Variants in USH2A observed in about 807,000 individuals in gnomAD.
USH2A encodes usherin.
USH2A carries 443 observed loss-of-function variants against 538.9 expected under a neutral mutation model. That is an observed-to-expected ratio of 0.82 (90% CI 0.76 to 0.89). The LOEUF (loss-of-function observed/expected upper bound fraction) is 0.89. Ranked by LOEUF, USH2A falls within the 40% of genes least tolerant of loss-of-function variation. USH2A has a pLI of 0.00. For missense variants in USH2A, 6,633 were observed against 6,324.8 expected (o/e 1.05, Z -1.65); for synonymous variants, 2,413 against 2,273.5 (o/e 1.06, Z -1.75).
At chr1:216,338,958 T>A (rs1278601798) in intron 4 of USH2A, among the ~76,000 whole-genome samples, 1 of 151,640 alleles carries the variant, frequency 6.6e-6, no homozygotes, top group Non-Finnish European at 1.5e-5. Context: ...GATAACAGTT[T>A]GGCGATATAT....
chr1:216,330,883 C>T (rs1315758086), intron 4 of USH2A, among the ~76,000 whole-genome samples: 1 of 151,962 alleles, frequency 6.6e-6, no homozygotes. Context: ...GGAGGTGTAC[C>T]TTTCAATGCT....
intron 32 of USH2A, among the ~76,000 whole-genome samples, chr1:216,037,428 C>A (rs567582488): frequency 6.6e-6 from 1 of 152,134 alleles, no homozygotes; most frequent in African/African-American, 2.4e-5. Flanking sequence ...TTGCCATGAC[C>A]TTTGCTCTTG....
chr1:215,980,176 C>T (rs1667717263), intron 35 of USH2A, among the ~76,000 whole-genome samples: 1 of 152,064 alleles, frequency 6.6e-6, no homozygotes, highest in Non-Finnish European at 1.5e-5. Flanking sequence ...TATGCTAAAG[C>T]AATAATCACT....
chr1:215,805,052 T>C (rs1381934341), intron 49 of USH2A, among the ~76,000 whole-genome samples: 3 of 151,678 alleles, frequency 2.0e-5, no homozygotes, highest in African/African-American at 7.3e-5. Context: ...CCAAACACCG[T>C]ATGTTGTCAC....
intron 30 of USH2A, among the ~76,000 whole-genome samples, chr1:216,049,412 A>G (rs1277936747): frequency 1.3e-5 from 2 of 152,228 alleles, no homozygotes; most frequent in South Asian, 2.1e-4. Context: ...TAGTGTTCAT[A>G]AGCAAGGCAG....
intron 21 of USH2A, among the ~76,000 whole-genome samples, chr1:216,098,710 C>T (rs2032505717): frequency 6.6e-6 from 1 of 151,916 alleles, no homozygotes; most frequent in Non-Finnish European, 1.5e-5. Flanking sequence ...ACTAATAAGC[C>T]CATAACTGAC....
intron 15 of USH2A, among the ~76,000 whole-genome samples, chr1:216,213,990 CACA>C (rs2035295949): frequency 6.6e-6 from 1 of 151,918 alleles, no homozygotes; most frequent in South Asian, 2.1e-4. Context: ...AAACTAAAAT[CACA>C]ACAAGATACT....
chr1:216,337,187 C>T lies in USH2A; in HGVS notation c.785-9533G>A, dbSNP rs1382160523. ...ATCTTAATATTAATGATGACAATGA[C>T]AGCTAATAACTATTGCATACTGAGT... On this transcript the variant is annotated intron_variant, in intron 4 of 71. Transcript: ENST00000307340. 2.0e-5 allele frequency among the ~76,000 whole-genome samples: 3 copies of T among 151,410 alleles called. No individual in the cohort carries two copies. In the East Asian group the frequency reaches 5.8e-4, roughly 29 times the overall value.
chr1:216,046,602 A>G lies in USH2A; in HGVS notation c.6164-10T>C, dbSNP rs754554449. 1 of 1,613,556 alleles carries G rather than the reference A, an allele frequency of 6.2e-7. No individual in the cohort carries two copies. Reference sequence around the variant, plus strand: ...TGAACCTCTTGTGGGGCTGTGGAAGAAAAGATTTATAGAGTCTAATTTTAG... The same window carrying G: ...TGAACCTCTTGTGGGGCTGTGGAAGGAAAGATTTATAGAGTCTAATTTTAG... On this transcript the variant is annotated splice_polypyrimidine_tract_variant and intron_variant, in intron 31 of 71. Coordinates refer to ENST00000307340, the MANE Select transcript of USH2A (RefSeq NM_206933.4).
At chr1:216,306,857 A>G (rs1173667602) in intron 9 of USH2A, among the ~76,000 whole-genome samples, 2 of 152,202 alleles carry the variant, frequency 1.3e-5, no homozygotes. Context: ...GTGGGGAGTA[A>G]CTGCAAACAG....
At chr1:215,880,962 T>A (rs7513600) in intron 41 of USH2A, among the ~76,000 whole-genome samples, 4 of 151,846 alleles carry the variant, frequency 2.6e-5, no homozygotes, top group Admixed American at 6.6e-5. Flanking sequence ...AAAAATCACC[T>A]GGGTGTGGTA....
chr1:216,080,489 G>A (rs1040792702), intron 26 of USH2A, among the ~76,000 whole-genome samples: 4 of 151,994 alleles, frequency 2.6e-5, no homozygotes, highest in Non-Finnish European at 1.5e-5. Context: ...AGGTGTGGTA[G>A]GGGCAGGAAC....
At position 216,251,195 on chromosome 1, in the gene USH2A, T is replaced by C. The variant is rs967767883; in HGVS notation, c.1972-97A>G. On this transcript the variant is annotated intron_variant, in intron 11 of 71. Coordinates refer to ENST00000307340, the MANE Select transcript of USH2A (RefSeq NM_206933.4). ...GACAGGGAGGGAGGGAGAAGAAAACTAAATGTTCAACAGACAAGAAGGTAA... is the reference window on the plus strand; with the variant it reads ...GACAGGGAGGGAGGGAGAAGAAAACCAAATGTTCAACAGACAAGAAGGTAA... 9.8e-6 allele frequency: 12 copies of C among 1,230,064 alleles called. No homozygotes were observed. In the African/African-American group the frequency reaches 1.6e-4, roughly 17 times the overall value. The allele number at this position is 1,230,064 out of a possible 1,614,324, so 76.2% of individuals were successfully genotyped here.
intron 3 of USH2A, among the ~76,000 whole-genome samples, chr1:216,403,870 G>C (rs2039348152): frequency 6.6e-6 from 1 of 152,056 alleles, no homozygotes. Flanking sequence ...TCTCATGATA[G>C]TGAGTGAGTT....
At chr1:216,417,193 T>C (rs2039590359) in intron 3 of USH2A, among the ~76,000 whole-genome samples, 1 of 151,330 alleles carries the variant, frequency 6.6e-6, no homozygotes, top group Non-Finnish European at 1.5e-5. Context: ...CATATCTTAG[T>C]ATCTGAAAGC....
chr1:216,418,437 A>T, intron 3 of USH2A, 77 bp downstream of exon 3: 1 of 1,531,224 alleles, frequency 6.5e-7, no homozygotes, highest in East Asian at 2.3e-5. Context: ...TTTTGTGAGT[A>T]GATGCCATTT....
intron 9 of USH2A, among the ~76,000 whole-genome samples, chr1:216,311,265 G>C (rs1343668938): frequency 1.3e-5 from 2 of 152,150 alleles, no homozygotes; most frequent in East Asian, 3.9e-4. Flanking sequence ...AGTGGGTTGA[G>C]GCATGGATAG....
chr1:215,937,708 C>T (rs977227799), intron 37 of USH2A, among the ~76,000 whole-genome samples: 1 of 152,092 alleles, frequency 6.6e-6, no homozygotes, highest in East Asian at 1.9e-4. Context: ...TCAATTGACT[C>T]TCAAGTAGCG....
intron 20 of USH2A, among the ~76,000 whole-genome samples, chr1:216,182,097 T>C (rs930824627): frequency 6.6e-6 from 1 of 152,060 alleles, no homozygotes; most frequent in African/African-American, 2.4e-5. Context: ...GAATGTAAAT[T>C]TTTTATATAT....
Sources: allele counts gnomAD v4.1 joint callset (sites outside exome capture counted in the v4.1 genomes callset), GRCh38; gene constraint gnomAD v4.1.1; transcripts MANE v1.5; gene names NCBI Gene and HGNC (gene_info 2026-07-23, HGNC 2026-07-21).